NFIA: variants seen among roughly 807,000 people sequenced by gnomAD.
NFIA encodes the protein nuclear factor I A.
Under a neutral mutation model 62.8 loss-of-function variants are expected in NFIA, and 8 were observed. That is an observed-to-expected ratio of 0.13 (90% CI 0.07 to 0.23). NFIA has a LOEUF of 0.23. NFIA is among the 10% of genes least tolerant of loss of function. The pLI is 1.00. For missense variants in NFIA, 410 were observed against 642.1 expected (o/e 0.64, Z 3.91); for synonymous variants, 235 against 238.1 (o/e 0.99, Z 0.12).
At chr1:61,091,354 A>G (rs537168558) in intron 2 of NFIA, among the ~76,000 whole-genome samples, 2 of 149,938 alleles carry the variant, frequency 1.3e-5, no homozygotes, top group Non-Finnish European at 3.0e-5. Flanking sequence ...TTTTTTTTTT[A>G]AAGCGGAGGT....
At chr1:61,307,585 G>C (rs1026606341) in intron 3 of NFIA, among the ~76,000 whole-genome samples, 3 of 152,186 alleles carry the variant, frequency 2.0e-5, no homozygotes, top group Non-Finnish European at 4.4e-5. Context: ...GTGATCCATT[G>C]AATCAGCCAG....
At chr1:61,213,164 C>A (rs556822673) in intron 2 of NFIA, among the ~76,000 whole-genome samples, 1 of 152,122 alleles carries the variant, frequency 6.6e-6, no homozygotes, top group South Asian at 2.1e-4. Flanking sequence ...TTAAAGTGAC[C>A]CAAGTTTGAT....
At chr1:61,440,720 C>A (rs968666647) in intron 10 of NFIA, among the ~76,000 whole-genome samples, 1 of 150,482 alleles carries the variant, frequency 6.6e-6, no homozygotes, top group Non-Finnish European at 1.5e-5. Flanking sequence ...TGCCAGATTC[C>A]TTTTTCCACA....
At chr1:61,364,393 T>G (rs1663473632) in intron 6 of NFIA, among the ~76,000 whole-genome samples, 1 of 152,220 alleles carries the variant, frequency 6.6e-6, no homozygotes. Context: ...ATTGATTGAA[T>G]GAATGAAGCG....
At chr1:61,200,848 A>G (rs1268452697) in intron 2 of NFIA, among the ~76,000 whole-genome samples, 1 of 152,234 alleles carries the variant, frequency 6.6e-6, no homozygotes, top group Non-Finnish European at 1.5e-5. Context: ...AATAGCAGTA[A>G]TAGAAGGTAG....
At chr1:61,260,894 G>A (rs527803068) in intron 2 of NFIA, among the ~76,000 whole-genome samples, 8 of 152,170 alleles carry the variant, frequency 5.3e-5, no homozygotes, top group Non-Finnish European at 1.2e-4. Context: ...AATTTTCATA[G>A]AGTTTCCACT....
chr1:61,351,216 A>G (rs1662533290), intron 4 of NFIA, among the ~76,000 whole-genome samples: 1 of 152,234 alleles, frequency 6.6e-6, no homozygotes, highest in African/African-American at 2.4e-5. Flanking sequence ...CTGTAGCTCT[A>G]TCAGATGACT....
chr1:61,266,355 TTC>T (rs1570478912), intron 2 of NFIA, among the ~76,000 whole-genome samples: 2 of 151,956 alleles, frequency 1.3e-5, no homozygotes, highest in East Asian at 3.9e-4. Context: ...CTAATTTTTT[TTC>T]TTTCTTTCTT....
chr1:61,251,256 T>A (rs2100211714), intron 2 of NFIA: 1 of 152,334 alleles, frequency 6.6e-6, no homozygotes, highest in South Asian at 2.1e-4. Flanking sequence ...GGGAACTCCG[T>A]GATCTCTTTA....
chr1:61,337,348 T>C (rs1380345583), intron 4 of NFIA, among the ~76,000 whole-genome samples: 1 of 151,962 alleles, frequency 6.6e-6, no homozygotes, highest in Non-Finnish European at 1.5e-5. Context: ...TCATCTAAAG[T>C]CCACGAAAGG....
intron 9 of NFIA, among the ~76,000 whole-genome samples, chr1:61,411,090 C>T (rs556558683): frequency 8.5e-5 from 13 of 152,140 alleles, no homozygotes; most frequent in African/African-American, 1.4e-4. Flanking sequence ...GTGCTGTAGA[C>T]GGTTAAAAGT....
chr1:61,111,995 G>A (rs1016778450), intron 2 of NFIA, among the ~76,000 whole-genome samples: 5 of 150,146 alleles, frequency 3.3e-5, no homozygotes, highest in Admixed American at 6.6e-5. Context: ...TTCTACCAAT[G>A]GAGAGGTTTA....
At chr1:61,309,250 C>T (rs952664355) in intron 3 of NFIA, among the ~76,000 whole-genome samples, 2 of 151,172 alleles carry the variant, frequency 1.3e-5, no homozygotes, top group Non-Finnish European at 2.9e-5. Flanking sequence ...AGAGACCCTA[C>T]ATGTGACGTG....
intron 3 of NFIA, among the ~76,000 whole-genome samples, chr1:61,311,754 A>G (rs1231670097): frequency 1.3e-5 from 2 of 152,246 alleles, no homozygotes; most frequent in African/African-American, 4.8e-5. Context: ...TGTGGCACCA[A>G]TAATTCACTA....
intron 3 of NFIA, among the ~76,000 whole-genome samples, chr1:61,304,283 AAAAGAG>A (rs1206824924): frequency 6.6e-6 from 1 of 152,028 alleles, no homozygotes; most frequent in African/African-American, 2.4e-5. Context: ...CTAAAAAAGA[AAAAGAG>A]AGAGAGAGAG....
chr1:61,306,381 T>C (rs1659801938), intron 3 of NFIA, among the ~76,000 whole-genome samples: 1 of 146,184 alleles, frequency 6.8e-6, no homozygotes, highest in Admixed American at 7.1e-5. Flanking sequence ...GTTCAAGCGA[T>C]TCTTGTGCCT....
chr1:61,173,214 C>T (rs1057194037), intron 2 of NFIA, among the ~76,000 whole-genome samples: 10 of 152,116 alleles, frequency 6.6e-5, no homozygotes, highest in African/African-American at 2.4e-4. Context: ...GTAGTTCTTG[C>T]TGAGGAACGT....
chr1:61,369,331 T>G (rs1663763710), intron 6 of NFIA, among the ~76,000 whole-genome samples: 2 of 152,106 alleles, frequency 1.3e-5, no homozygotes, highest in South Asian at 4.1e-4. Flanking sequence ...ATAATTTACT[T>G]GGAGGGAACA....
intron 9 of NFIA, among the ~76,000 whole-genome samples, chr1:61,412,038 C>T (rs1049493475): frequency 6.6e-6 from 1 of 151,814 alleles, no homozygotes; most frequent in African/African-American, 2.4e-5. Context: ...GGTAATGCCA[C>T]CTAGATTTTA....
Sources: gnomAD v4.1 joint callset for allele counts (sites outside exome capture counted in the v4.1 genomes callset) on GRCh38, gnomAD v4.1.1 for gene constraint, MANE v1.5 for transcripts, NCBI Gene and HGNC (gene_info 2026-07-23, HGNC 2026-07-21) for gene names.